Variants in CLSPN observed in about 807,000 individuals in gnomAD.
The protein encoded by CLSPN is claspin homolog.
Under a neutral mutation model 156.3 loss-of-function variants are expected in CLSPN, and 85 were observed. The observed-to-expected ratio is 0.54, with a 90% CI of 0.46 to 0.65. The LOEUF (loss-of-function observed/expected upper bound fraction) is 0.65, where lower values mean the gene tolerates loss of function less well. CLSPN is among the 30% of genes least tolerant of loss of function. The pLI is 0.00. For synonymous variants in CLSPN, 534 were observed against 542.4 expected, an observed-to-expected ratio of 0.98 and a Z score of 0.22; for missense variants, 1,407 against 1,554.9, an observed-to-expected ratio of 0.90 and a Z score of 1.60.
chr1:35,748,774 A>G, intron 12 of CLSPN, 170 bp from the exon 13 acceptor site: 3 of 575,070 alleles, frequency 5.2e-6, no homozygotes, highest in South Asian at 5.2e-5. Flanking sequence ...AGATAGCATT[A>G]TATAATCAGG....
In CLSPN at chr1:35,738,098, C is replaced by G; in HGVS notation, c.3559-1G>C. ...CAGCTGTAATTTTCCCCTGCTGTGCCTGAAAAAAAAAAAAAATATATATAT... is the reference window on the plus strand; with the variant it reads ...CAGCTGTAATTTTCCCCTGCTGTGCGTGAAAAAAAAAAAAAATATATATAT... On this transcript the variant is annotated splice_acceptor_variant, in intron 21 of 24. Coordinates refer to ENST00000318121, the MANE Select transcript of CLSPN (RefSeq NM_022111.4). LOFTEE classifies it high-confidence loss of function. 1 of 795,254 alleles carries G rather than the reference C, an allele frequency of 1.3e-6. No homozygotes were observed. Among genetic ancestry groups the G allele is most frequent in the Non-Finnish European group, 1.7e-6 (1 of 598,766 alleles). The allele number at this position is 795,254 out of a possible 1,614,324, so 49.3% of individuals were successfully genotyped here.
chr1:35,740,689 G>C (rs867114224), intron 18 of CLSPN, among the ~76,000 whole-genome samples: 1 of 152,080 alleles, frequency 6.6e-6, no homozygotes, highest in African/African-American at 2.4e-5. Flanking sequence ...AAAGTGCTGG[G>C]ATTACAGGCA....
rs1553133409 is a variant in CLSPN at position 35,734,688 on chromosome 1, A to AAG, written c.*1807_*1808insCT. On this transcript the variant is annotated 3_prime_UTR_variant, in exon 25 of 25. Coordinates refer to ENST00000318121, the MANE Select transcript of CLSPN (RefSeq NM_022111.4). The stretch of plus-strand genomic sequence containing the variant: ...GCCAGCCTATGTCTCAAAAAAAAAA[A>AAG]AAGAAAAGAAAAGAAAAGAAAAAGA... 4.6e-6 allele frequency: 4 copies of AAG among 864,136 alleles called. No individual in the cohort carries two copies. Among genetic ancestry groups the AAG allele is most frequent in the Non-Finnish European group, 5.4e-6 (4 of 736,104 alleles). 53.5% of individuals were successfully genotyped at this position (864,136 alleles called of 1,614,324 possible).
In CLSPN at chr1:35,732,347, C is replaced by A. The variant is rs932269553; in HGVS notation, c.*4149G>T. 2.0e-6 allele frequency: 2 copies of A among 985,148 alleles called. No homozygotes were observed. Among genetic ancestry groups the A allele is most frequent in the African/African-American group, 3.5e-5 (2 of 57,176 alleles). 61.0% of individuals were successfully genotyped at this position (985,148 alleles called of 1,614,324 possible). A position where few individuals can be genotyped will look rare whatever the true frequency, so the allele number is the denominator to read the frequency against. On this transcript the variant is annotated 3_prime_UTR_variant, in exon 25 of 25. Transcript: ENST00000318121. ...TAGACATAACCCTAGGAGATAAAAA[C>A]CAAAAACACCCCCTAAAAAGTCTCC...
intron 9 of CLSPN, among the ~76,000 whole-genome samples, chr1:35,752,964 T>G (rs1642143720): frequency 1.3e-5 from 2 of 152,216 alleles, no homozygotes; most frequent in African/African-American, 4.8e-5. Context: ...CTTTTTTCAG[T>G]GTTTAAAACT....
rs771545823 is a variant in CLSPN at position 35,762,009 on chromosome 1, C to T, written c.884G>A (p.Arg295His). The T allele has an allele frequency of 3.7e-6, 6 of 1,612,500 alleles. No individual in the cohort carries two copies. The highest frequency in any genetic ancestry group is 2.2e-5 in the South Asian group (2 of 90,968). ...ALKQLHSETQ[R>H]LIRESALNLP... is the part of the protein sequence containing the mutation. ...CTGGGTTGCATTACCTCGAATAAGG[C>T]GCTGAGTCTCACTATGCAGTTGTTT... is the stretch of plus-strand genomic sequence containing the variant. Residue 295 changes from arginine (R) to histidine (H), a missense_variant, in exon 6 of 25, where the codon CGC becomes CAC. Transcript: ENST00000318121.
At position 35,760,428 on chromosome 1, in the gene CLSPN, T is replaced by G; in HGVS notation, c.1493A>C (p.Lys498Thr). ...AATGGAAACATCTACTCCCAGTTGC[T>G]TAAGTCTATCCAGAGTAAACCGTCT... ...KVRRFTLDRLKQLGVDVSIKP... is the reference protein window; with the variant it reads ...KVRRFTLDRLTQLGVDVSIKP... Residue 498 changes from lysine to threonine, a missense_variant, in exon 8 of 25, where the codon AAG becomes ACG. Physicochemically the swap from Lys to Thr is moderately conservative, Grantham distance 78. Transcript: ENST00000318121. 1 of 1,614,224 alleles carries G rather than the reference T, an allele frequency of 6.2e-7. No homozygotes were observed. Among genetic ancestry groups the G allele is most frequent in the South Asian group, 1.1e-5 (1 of 91,088 alleles).
chr1:35,737,021 C>A lies in CLSPN; in HGVS notation c.3802G>T (p.Ala1268Ser), dbSNP rs757470391. Residue 1268 changes from alanine to serine, a missense_variant, in exon 24 of 25, where the codon GCT becomes TCT. Physicochemically the swap from Ala to Ser is moderately conservative, Grantham distance 99. This residue lies in a region of CLSPN where 241 missense variants were observed against 240.5 expected (regional missense o/e 1.00). Transcript: ENST00000318121. Reference protein sequence around the residue: ...QPKAVLQKLAALSDHNPSAPR... With the variant: ...QPKAVLQKLASLSDHNPSAPR... ...GCACTGGGGTTATGGTCAGAGAGAG[C>A]AGCCAGTTTCTGAAGCACAGCTTTG... The A allele has an allele frequency of 6.2e-7, 1 of 1,614,070 alleles. No homozygotes were observed. Among genetic ancestry groups the A allele is most frequent in the Non-Finnish European group, 8.5e-7 (1 of 1,179,970 alleles).
At chr1:35,722,108 C>G (rs958320648) in intron 24 of CLSPN, among the ~76,000 whole-genome samples, 21 of 150,972 alleles carry the variant, frequency 1.4e-4, no homozygotes, top group Non-Finnish European at 2.7e-4. Context: ...CACTGCACTC[C>G]AGCCTGGGCG....
intron 9 of CLSPN, among the ~76,000 whole-genome samples, chr1:35,751,948 A>C (rs1642101271): frequency 6.6e-6 from 1 of 152,240 alleles, no homozygotes; most frequent in Admixed American, 6.5e-5. Flanking sequence ...GAAGAGCTAC[A>C]AATCAAAATA....
intron 24 of CLSPN, among the ~76,000 whole-genome samples, chr1:35,726,146 T>G (rs1220580837): frequency 6.9e-3 from 44 of 6,402 alleles, no homozygotes; most frequent in Non-Finnish European, 0.062. Context: ...TAGAAACAGA[T>G]GCAGACAAAA....
At position 35,764,295 on chromosome 1, in the gene CLSPN, G is replaced by A; in HGVS notation, c.553C>T (p.Gln185Ter). 1.3e-6 allele frequency: 2 copies of A among 1,579,312 alleles called. No individual in the cohort carries two copies. The highest frequency in any genetic ancestry group is 1.7e-6 in the Non-Finnish European group (2 of 1,169,954). Residue 185 changes from glutamine to a stop codon, truncating the protein, a stop_gained, in exon 3 of 25, where the codon CAG becomes TAG. Transcript: ENST00000318121. LOFTEE classifies it high-confidence loss of function. ...TTTTTTGTTTCCTTCTTTTTTAGCT[G>A]TCTAATTTTTTCCATTTTTCTCTCC... ...KEERKMEKIR[Q>*]LKKKETKNQE...
In CLSPN at chr1:35,765,204, G is replaced by A. The variant is rs1433425372; in HGVS notation, c.133+14C>T. On this transcript the variant is annotated intron_variant, in intron 2 of 24. Transcript: ENST00000318121. ...CCGCAACCTATTCCTAAAAATAAAA[G>A]TACTATTACAAACCTCCTTCACTCA... The A allele has an allele frequency of 5.2e-6, 8 of 1,534,334 alleles. No individual in the cohort carries two copies. The African/African-American group carries it at 6.8e-5, about 13-fold the overall frequency.
At chr1:35,754,496 C>T (rs1404808884) in intron 8 of CLSPN, among the ~76,000 whole-genome samples, 1 of 152,136 alleles carries the variant, frequency 6.6e-6, no homozygotes, top group Non-Finnish European at 1.5e-5. Context: ...AGGTGAGCAC[C>T]ACCATGCCCA....
chr1:35,739,182 G>A lies in CLSPN; in HGVS notation c.3384C>T (p.His1128=), dbSNP rs1557502392. Reference sequence around the variant, plus strand: ...TCCTCATTCGCCCAGGACCATCGCTGTGCAGATCCCCATCAGCAAGGTACC... The same window carrying A: ...TCCTCATTCGCCCAGGACCATCGCTATGCAGATCCCCATCAGCAAGGTACC... ...QERYLADGDL[H]SDGPGRMRKF... The change falls in exon 20 of 25, where the codon CAC becomes CAT. Residue 1128 remains histidine, a synonymous_variant. Coordinates refer to ENST00000318121, the MANE Select transcript of CLSPN (RefSeq NM_022111.4). The A allele has an allele frequency of 1.2e-6, 2 of 1,614,092 alleles. No homozygotes were observed. The highest frequency in any genetic ancestry group is 4.5e-5 in the East Asian group (2 of 44,884).
At chr1:35,747,357 G>A (rs561545926) in intron 14 of CLSPN, among the ~76,000 whole-genome samples, 34 of 152,024 alleles carry the variant, frequency 2.2e-4, no homozygotes, top group Non-Finnish European at 4.6e-4. Flanking sequence ...TCAGAGAAAT[G>A]GCAAAGTAGG....
rs553717945 is a variant in CLSPN at position 35,743,068 on chromosome 1, C to T, written c.3143+73G>A. 2.6e-5 allele frequency: 30 copies of T among 1,147,466 alleles called. 1 individual carries two copies. In the South Asian group the frequency reaches 3.6e-4, roughly 14 times the overall value. 71.1% of individuals were successfully genotyped at this position (1,147,466 alleles called of 1,614,324 possible). A position where few individuals can be genotyped will look rare whatever the true frequency, so the allele number is the denominator to read the frequency against. On this transcript the variant is annotated intron_variant, in intron 18 of 24. Transcript: ENST00000318121. ...TCCCAAAATGATGGGATTACAGGCG[C>T]AAGCCACCATGCCTGGCCTAGTGAC...
intron 24 of CLSPN, among the ~76,000 whole-genome samples, chr1:35,721,640 G>A (rs1179786748): frequency 6.6e-6 from 1 of 151,946 alleles, no homozygotes; most frequent in African/African-American, 2.4e-5. Flanking sequence ...TGCCCGCCTT[G>A]ACCTCCCAAA....
chr1:35,763,058 T>C (rs1642538303), intron 4 of CLSPN, 102 bp downstream of exon 4: 1 of 939,874 alleles, frequency 1.1e-6, no homozygotes, highest in Non-Finnish European at 1.4e-6. Flanking sequence ...ACACAAGTTT[T>C]TCTTCAGTTA....
Sources: gnomAD v4.1 joint callset for allele counts (sites outside exome capture counted in the v4.1 genomes callset) on GRCh38, gnomAD v4.1.1 for gene constraint, gnomAD v4.1.1 regional missense constraint, MANE v1.5 for transcripts, NCBI Gene and HGNC (gene_info 2026-07-23, HGNC 2026-07-21) for gene names.